The following MECOM variants were observed in gnomAD, a reference collection of about 807,000 sequenced individuals.
MECOM encodes histone-lysine N-methyltransferase MECOM.
Under a neutral mutation model 116.3 loss-of-function variants are expected in MECOM, and 13 were observed. The ratio of observed to expected loss-of-function variants is 0.11; its 90% CI spans 0.07 to 0.18. The LOEUF (loss-of-function observed/expected upper bound fraction) is 0.18. MECOM is among the 10% of genes least tolerant of loss of function. The pLI, the probability that MECOM is intolerant of heterozygous loss-of-function variation, is 1.00. For missense variants in MECOM, 1,299 were observed against 1,509.0 expected (o/e 0.86, Z 2.31); for synonymous variants, 528 against 535.2 (o/e 0.99, Z 0.19).
intron 1 of MECOM, among the ~76,000 whole-genome samples, chr3:169,387,718 T>C (rs1257454455): frequency 6.6e-6 from 1 of 152,100 alleles, no homozygotes; most frequent in African/African-American, 2.4e-5. Context: ...CACACATCCA[T>C]GTGTATTTGC....
chr3:169,176,030 GGC>G (rs1437873458), intron 2 of MECOM, among the ~76,000 whole-genome samples: 1 of 151,598 alleles, frequency 6.6e-6, no homozygotes, highest in Admixed American at 6.6e-5. Flanking sequence ...CCAGTCTTTT[GGC>G]TTCCCTGGGC....
At chr3:169,538,799 G>A (rs569312307) in intron 1 of MECOM, among the ~76,000 whole-genome samples, 2 of 152,162 alleles carry the variant, frequency 1.3e-5, no homozygotes, top group East Asian at 3.9e-4. Context: ...ATCAGTTGGT[G>A]GTGCTTGAAA....
chr3:169,145,297 G>A, intron 2 of MECOM: 1 of 391,464 alleles, frequency 2.6e-6, no homozygotes, highest in Non-Finnish European at 4.5e-6. Context: ...CTAAAAATTT[G>A]TTATCAATAA....
At position 169,371,954 on chromosome 3, in the gene MECOM, A is replaced by C. The variant is rs6801240; in HGVS notation, c.375+9233T>G. Among the ~76,000 whole-genome samples the C allele has an allele frequency of 5.8e-3, 876 of 152,202 alleles. 8 individuals carry two copies. The highest frequency in any genetic ancestry group is 0.02 in the African/African-American group (845 of 41,566). ...AAAAGTGTGAGAACTATTTATTTTT[A>C]AAATGACACAAGGAAGCACATCTTC... On this transcript the variant is annotated intron_variant, in intron 2 of 16. Transcript: ENST00000651503.
At chr3:169,382,673 C>T (rs926919906) in intron 1 of MECOM, among the ~76,000 whole-genome samples, 15 of 151,576 alleles carry the variant, frequency 9.9e-5, no homozygotes, top group East Asian at 1.9e-4. Flanking sequence ...AGACTTCGAT[C>T]GAGCTAGTCA....
intron 7 of MECOM, among the ~76,000 whole-genome samples, chr3:169,118,702 T>G (rs1729982885): frequency 7.2e-6 from 1 of 139,216 alleles, no homozygotes; most frequent in Admixed American, 7.6e-5. Flanking sequence ...TCTCTACACT[T>G]CTTTCTTACA....
rs201012357 is a variant in MECOM, at chr3:169,089,075, A to G, written c.3510T>C (p.Ala1170=). ...GGGAAGTACTAAAAGAAGACAGCTC[A>G]GCTTCAGAATATTGATTATCTTCCA... ...RKMEDNQYSE[A]ELSSFSTSHV... Residue 1170 remains alanine (A), a synonymous_variant, in exon 16 of 17, where the codon GCT becomes GCC. Coordinates refer to ENST00000651503, the MANE Select transcript of MECOM (RefSeq NM_004991.4). The G allele has an allele frequency of 4.5e-5, 72 of 1,611,006 alleles. No individual in the cohort carries two copies. Among genetic ancestry groups the G allele is most frequent in the Non-Finnish European group, 5.6e-5 (66 of 1,178,702 alleles).
intron 2 of MECOM, among the ~76,000 whole-genome samples, chr3:169,174,040 C>T (rs181077239): frequency 2.5e-3 from 387 of 152,296 alleles, no homozygotes; most frequent in Non-Finnish European, 4.3e-3. Context: ...CCAGCATATC[C>T]TGTCTACCCT....
intron 1 of MECOM, among the ~76,000 whole-genome samples, chr3:169,500,162 T>C (rs1328427024): frequency 1.3e-5 from 2 of 152,072 alleles, no homozygotes; most frequent in African/African-American, 2.4e-5. Flanking sequence ...ATTTATTAGA[T>C]CATAAAAGTC....
At chr3:169,448,983 C>G (rs1311169331) in intron 1 of MECOM, among the ~76,000 whole-genome samples, 1 of 152,110 alleles carries the variant, frequency 6.6e-6, no homozygotes, top group Admixed American at 6.6e-5. Context: ...AATCACGACT[C>G]CAAAATCTCC....
chr3:169,289,783 C>T (rs1258342437), intron 2 of MECOM, among the ~76,000 whole-genome samples: 33 of 152,154 alleles, frequency 2.2e-4, no homozygotes, highest in Non-Finnish European at 1.5e-5. Flanking sequence ...TTTTAACTTC[C>T]CATCTGAGGT....
At chr3:169,613,133 T>C (rs1420105637) in intron 1 of MECOM, among the ~76,000 whole-genome samples, 5 of 152,222 alleles carry the variant, frequency 3.3e-5, no homozygotes, top group African/African-American at 9.6e-5. Context: ...ATTATTTCAG[T>C]GGCAAGGATG....
intron 2 of MECOM, among the ~76,000 whole-genome samples, chr3:169,247,490 G>A (rs1371560285): frequency 1.3e-5 from 2 of 152,160 alleles, no homozygotes; most frequent in Non-Finnish European, 2.9e-5. Context: ...TTTTAGTAGA[G>A]ACAGGGTTTC....
chr3:169,559,338 A>T (rs1043853374), intron 1 of MECOM, among the ~76,000 whole-genome samples: 14 of 152,334 alleles, frequency 9.2e-5, no homozygotes, highest in African/African-American at 3.4e-4. Flanking sequence ...CAATACATTA[A>T]AAATTATCAT....
intron 1 of MECOM, among the ~76,000 whole-genome samples, chr3:169,655,202 T>G (rs1293859303): frequency 6.6e-6 from 1 of 152,020 alleles, no homozygotes; most frequent in African/African-American, 2.4e-5. Flanking sequence ...AACTGCCAGT[T>G]TCCCACCATC....
intron 2 of MECOM, among the ~76,000 whole-genome samples, chr3:169,277,559 G>A (rs1179974794): frequency 6.6e-6 from 1 of 152,170 alleles, no homozygotes; most frequent in Non-Finnish European, 1.5e-5. Flanking sequence ...CACAGAGCCA[G>A]TCCCCTAACC....
intron 2 of MECOM, among the ~76,000 whole-genome samples, chr3:169,176,191 G>A (rs1745142106): frequency 6.6e-6 from 1 of 151,700 alleles, no homozygotes; most frequent in Non-Finnish European, 1.5e-5. Context: ...GCTAATTTCT[G>A]TTGGGCCTCA....
At chr3:169,618,455 A>G (rs1770284100) in intron 1 of MECOM, among the ~76,000 whole-genome samples, 1 of 152,208 alleles carries the variant, frequency 6.6e-6, no homozygotes, top group African/African-American at 2.4e-5. Context: ...CAAGAGATCA[A>G]GACCATCCTG....
At chr3:169,315,229 A>T (rs781191845) in intron 2 of MECOM, among the ~76,000 whole-genome samples, 11 of 152,174 alleles carry the variant, frequency 7.2e-5, no homozygotes, top group Non-Finnish European at 8.8e-5. Flanking sequence ...GGCAACTGAG[A>T]AGGGCGGCAG....
Sources: allele counts gnomAD v4.1 joint callset (sites outside exome capture counted in the v4.1 genomes callset), GRCh38; gene constraint gnomAD v4.1.1; transcripts MANE v1.5; gene names NCBI Gene and HGNC (gene_info 2026-07-23, HGNC 2026-07-21).